Variants in HS3ST5 observed in about 807,000 individuals in gnomAD.
HS3ST5 encodes the protein heparan sulfate-glucosamine 3-sulfotransferase 5.
In HS3ST5, 10 loss-of-function variants were observed where a neutral mutation model predicts 25.4. That is an observed-to-expected ratio of 0.39 (90% CI 0.24 to 0.67). The LOEUF is 0.67. Ranked by LOEUF, HS3ST5 falls within the 30% of genes least tolerant of loss-of-function variation. The pLI, the probability that HS3ST5 is intolerant of heterozygous loss-of-function variation, is 0.44. For synonymous variants in HS3ST5, 170 were observed against 162.4 expected (o/e 1.05, Z -0.36); for missense variants, 324 against 420.7 (o/e 0.77, Z 2.01).
At chr6:114,150,927 T>C (rs376322575) in intron 3 of HS3ST5, among the ~76,000 whole-genome samples, 108 of 152,362 alleles carry the variant, frequency 7.1e-4, no homozygotes, top group African/African-American at 2.4e-3. Flanking sequence ...GTGGGAATTC[T>C]AGTGCAACTA....
At chr6:114,260,000 A>G (rs1047310041) in intron 1 of HS3ST5, among the ~76,000 whole-genome samples, 2 of 152,290 alleles carry the variant, frequency 1.3e-5, no homozygotes, top group South Asian at 2.1e-4. Flanking sequence ...AGTTATTCCA[A>G]TGTGTATTAT....
intron 1 of HS3ST5, among the ~76,000 whole-genome samples, chr6:114,272,361 G>A (rs528645638): frequency 3.9e-5 from 6 of 152,112 alleles, no homozygotes; most frequent in Non-Finnish European, 8.8e-5. Flanking sequence ...AGGTCAAGGT[G>A]TCTCTCAATC....
chr6:114,219,484 A>G (rs1781929542), intron 2 of HS3ST5, among the ~76,000 whole-genome samples: 1 of 152,176 alleles, frequency 6.6e-6, no homozygotes, highest in Non-Finnish European at 1.5e-5. Context: ...TCATGGGGGA[A>G]GGGGTAGAGG....
At chr6:114,217,330 C>A (rs1018018205) in intron 2 of HS3ST5, among the ~76,000 whole-genome samples, 1 of 152,260 alleles carries the variant, frequency 6.6e-6, no homozygotes, top group Middle Eastern at 3.4e-3. Flanking sequence ...TTTAAAGCAA[C>A]CACTATCCTG....
chr6:114,322,850 G>T (rs937208138), intron 1 of HS3ST5, among the ~76,000 whole-genome samples: 1 of 152,118 alleles, frequency 6.6e-6, no homozygotes, highest in Non-Finnish European at 1.5e-5. Flanking sequence ...CTCCACCCGG[G>T]GGTAGGAAAA....
At chr6:114,335,478 C>T (rs987327502) in intron 1 of HS3ST5, among the ~76,000 whole-genome samples, 3 of 152,020 alleles carry the variant, frequency 2.0e-5, no homozygotes, top group Admixed American at 2.0e-4. Context: ...GTTTTCAACT[C>T]ATATCAGATA....
intron 1 of HS3ST5, among the ~76,000 whole-genome samples, chr6:114,328,057 C>A (rs1302253400): frequency 6.6e-6 from 1 of 151,980 alleles, no homozygotes; most frequent in Non-Finnish European, 1.5e-5. Context: ...ATAAGTCAAG[C>A]CTTCTTATTG....
chr6:114,171,159 T>C (rs1478034784), intron 2 of HS3ST5, among the ~76,000 whole-genome samples: 1 of 152,202 alleles, frequency 6.6e-6, no homozygotes, highest in Non-Finnish European at 1.5e-5. Context: ...GTTTAAACTT[T>C]AAAGCGATGT....
At chr6:114,154,391 C>T (rs1484951443) in intron 3 of HS3ST5, among the ~76,000 whole-genome samples, 1 of 152,128 alleles carries the variant, frequency 6.6e-6, no homozygotes, top group South Asian at 2.1e-4. Context: ...AGTGTGGTGG[C>T]TCACACCTGT....
chr6:114,201,538 T>C (rs975989004), intron 2 of HS3ST5, among the ~76,000 whole-genome samples: 2 of 152,150 alleles, frequency 1.3e-5, no homozygotes, highest in African/African-American at 4.8e-5. Flanking sequence ...TTGCTGTTCA[T>C]ATATGCTAGG....
intron 1 of HS3ST5, among the ~76,000 whole-genome samples, chr6:114,246,797 C>T (rs1772400536): frequency 6.6e-6 from 1 of 152,168 alleles, no homozygotes; most frequent in African/African-American, 2.4e-5. Flanking sequence ...ATATGGGTTT[C>T]GTTCTGCTTT....
At chr6:114,166,106 C>A (rs1779198392) in intron 3 of HS3ST5, among the ~76,000 whole-genome samples, 1 of 151,944 alleles carries the variant, frequency 6.6e-6, no homozygotes. Flanking sequence ...CCTTCTAATC[C>A]CTACTCTTGG....
At chr6:114,097,308 G>T (rs1471891770) in intron 3 of HS3ST5, among the ~76,000 whole-genome samples, 1 of 151,784 alleles carries the variant, frequency 6.6e-6, no homozygotes, top group Non-Finnish European at 1.5e-5. Context: ...GTCCTATGTG[G>T]ATATACTTAT....
chr6:114,097,709 A>AG (rs11454010), intron 3 of HS3ST5, among the ~76,000 whole-genome samples: 131,684 of 151,778 alleles, frequency 0.87, 57,299 homozygotes, highest in Non-Finnish European at 0.9. Flanking sequence ...GAATGAGAAA[A>AG]GAAGGTAATT....
chr6:114,164,090 T>C (rs898106113), intron 3 of HS3ST5, among the ~76,000 whole-genome samples: 1 of 152,168 alleles, frequency 6.6e-6, no homozygotes, highest in African/African-American at 2.4e-5. Context: ...AGACATCCTG[T>C]TATATGTCAA....
At chr6:114,142,787 G>C (rs932655916) in intron 3 of HS3ST5, 21 of 152,132 alleles carry the variant, frequency 1.4e-4, no homozygotes, top group African/African-American at 5.1e-4. Flanking sequence ...CCATTTATAG[G>C]GGATAGGGAA....
intron 3 of HS3ST5, among the ~76,000 whole-genome samples, chr6:114,144,955 T>A (rs1001594866): frequency 6.6e-6 from 1 of 152,156 alleles, no homozygotes; most frequent in Non-Finnish European, 1.5e-5. Flanking sequence ...CTTGGCCGGG[T>A]AGTGACATAC....
chr6:114,303,470 T>C (rs1775165984), intron 1 of HS3ST5, among the ~76,000 whole-genome samples: 2 of 152,068 alleles, frequency 1.3e-5, no homozygotes, highest in African/African-American at 4.8e-5. Context: ...GCATTTTTTT[T>C]TTTCTGGGCA....
At chr6:114,296,231 A>C (rs1490371251) in intron 1 of HS3ST5, among the ~76,000 whole-genome samples, 1 of 152,196 alleles carries the variant, frequency 6.6e-6, no homozygotes, top group Non-Finnish European at 1.5e-5. Context: ...TGTCAACTAT[A>C]CTTCAATCTA....
Sources: gnomAD v4.1 joint callset for allele counts (sites outside exome capture counted in the v4.1 genomes callset) on GRCh38, gnomAD v4.1.1 for gene constraint, MANE v1.5 for transcripts, NCBI Gene and HGNC (gene_info 2026-07-23, HGNC 2026-07-21) for gene names.